Variants in MLLT6 observed in about 807,000 individuals in gnomAD.
The protein encoded by MLLT6 is protein AF-17.
In MLLT6, 22 loss-of-function variants were observed where a neutral mutation model predicts 103.0. The observed-to-expected ratio is 0.21, with a 90% CI of 0.15 to 0.31. The LOEUF (loss-of-function observed/expected upper bound fraction) is 0.31, where lower values mean the gene tolerates loss of function less well. Among genes scored for constraint, MLLT6 ranks in the 10% least tolerant of loss-of-function variants. The probability of loss-of-function intolerance (pLI) is 1.00; values close to 1 mark genes in which losing one functional copy is unlikely to be tolerated. For missense variants in MLLT6, 1,199 were observed against 1,441.7 expected (o/e 0.83, Z 2.73); for synonymous variants, 606 against 623.5 (o/e 0.97, Z 0.42).
In MLLT6 at chr17:38,719,656, C is replaced by T. The variant is rs778610145; in HGVS notation, c.2009+73C>T. ...CCCGAGGGAGGAGGGACGGAGAGACCGGCGTGGGCTGGAACCCCTGGGGGA... is the reference window on the plus strand; with the variant it reads ...CCCGAGGGAGGAGGGACGGAGAGACTGGCGTGGGCTGGAACCCCTGGGGGA... On this transcript the variant is annotated intron_variant, in intron 13 of 19. Transcript: ENST00000621332. 26 of 1,564,654 alleles carry T rather than the reference C, an allele frequency of 1.7e-5. No homozygotes were observed. The Admixed American group carries it at 4.3e-4, about 26-fold the overall frequency.
intron 3 of MLLT6, 81 bp downstream of exon 3, chr17:38,707,621 G>A: frequency 6.8e-7 from 1 of 1,475,552 alleles, no homozygotes; most frequent in Non-Finnish European, 9.5e-7. Flanking sequence ...AGTTGGGGTG[G>A]AGGCCGGGTT....
rs1314344441 is a variant in MLLT6 at position 38,727,944 on chromosome 17, A to G, written c.*2346A>G. The G allele has an allele frequency of 4.3e-6, 1 of 233,190 alleles. No individual in the cohort carries two copies. The highest frequency in any genetic ancestry group is 2.2e-5 in the African/African-American group (1 of 45,360). 14.4% of individuals were successfully genotyped at this position (233,190 alleles called of 1,614,324 possible). A position where few individuals can be genotyped will look rare whatever the true frequency, so the allele number is the denominator to read the frequency against. On this transcript the variant is annotated 3_prime_UTR_variant, in exon 20 of 20. Coordinates refer to ENST00000621332, the MANE Select transcript of MLLT6 (RefSeq NM_005937.4). ...GAAGTAAGTCTACCCCGAGGTTGCC[A>G]TGTTGAAGAGTGAGAGGTCCAAGTG...
rs772675737 is a variant in MLLT6, at chr17:38,720,415, C to T, written c.2199C>T (p.Asn733=). The T allele has an allele frequency of 2.3e-5, 37 of 1,603,760 alleles. No individual in the cohort carries two copies. In the Admixed American group the frequency reaches 2.9e-4, roughly 12 times the overall value. ...CGCTGCACGCGCTGCAGAAGGAGAA[C>T]CAGCGGCTGCAAGAGCAGATCCTGA... ...LKALHALQKE[N]QRLQEQILSL... The change falls in exon 15 of 20, where the codon AAC becomes AAT. Residue 733 remains asparagine (N), a synonymous_variant. Transcript: ENST00000621332.
chr17:38,715,719 T>A lies in MLLT6; in HGVS notation c.927T>A (p.Ser309Arg). Residue 309 changes from serine (S) to arginine (R), a missense_variant, in exon 9 of 20, where the codon AGT (serine) becomes AGA (arginine). Ser to Arg is a moderately radical substitution (Grantham distance 110). This residue lies in a region of MLLT6 where 1,034 missense variants were observed against 1,091.5 expected (regional missense o/e 0.95). Coordinates refer to ENST00000621332, the MANE Select transcript of MLLT6 (RefSeq NM_005937.4). ...AAAAGTCTTCCAGCCATAGCCTGAG[T>A]CATAAAGGGAAGAAACTGAGCAGTG... is the stretch of plus-strand genomic sequence containing the variant. The part of the protein sequence containing the change: ...KGKKSSSHSL[S>R]HKGKKLSSGK... 1 of 1,614,066 alleles carries A rather than the reference T, an allele frequency of 6.2e-7. No homozygotes were observed. The highest frequency in any genetic ancestry group is 8.5e-7 in the Non-Finnish European group (1 of 1,180,010).
rs779837924 is a variant in MLLT6, at chr17:38,709,602, C to T, written c.552+27C>T. On this transcript the variant is annotated intron_variant, in intron 6 of 19. Transcript: ENST00000621332. This position sits in a 1 kb window ranked among gnomAD's most constrained non-coding sequence, Gnocchi z 4.3. ...TGAGTCCTGGCGACCAGCGCATGAGCGGGTCAGTCAGCTGTGGTAAGATGG... is the reference window on the plus strand; with the variant it reads ...TGAGTCCTGGCGACCAGCGCATGAGTGGGTCAGTCAGCTGTGGTAAGATGG... The T allele has an allele frequency of 4.5e-6, 7 of 1,567,018 alleles. No homozygotes were observed. Among genetic ancestry groups the T allele is most frequent in the Non-Finnish European group, 6.2e-6 (7 of 1,137,944 alleles).
intron 1 of MLLT6, chr17:38,706,547 C>T (rs1904932872): frequency 6.0e-6 from 1 of 167,344 alleles, no homozygotes; most frequent in Non-Finnish European, 1.3e-5. Flanking sequence ...CCGCCTCGTC[C>T]CTCACTGGCC....
Position 38,722,705 on chromosome 17 carries a change from T to C in MLLT6, c.2820T>C (p.Leu940=). 7.3e-7 allele frequency: 1 copy of C among 1,365,470 alleles called. No homozygotes were observed. Among genetic ancestry groups the C allele is most frequent in the Non-Finnish European group, 9.7e-7 (1 of 1,027,888 alleles). 84.6% of individuals were successfully genotyped at this position (1,365,470 alleles called of 1,614,324 possible). ...NSLTEQQRHL[L]QQQEQQLQQL... ...TTACAGAGCAGCAGAGACATCTCCT[T>C]CAGCAGCAAGAGCAGCAGCTCCAGC... The change falls in exon 18 of 20, where the codon CTT becomes CTC. Residue 940 remains leucine, a synonymous_variant. Coordinates refer to ENST00000621332, the MANE Select transcript of MLLT6 (RefSeq NM_005937.4).
At chr17:38,722,259 C>G in intron 17 of MLLT6, 32 bp downstream of exon 17, 1 of 1,345,782 alleles carries the variant, frequency 7.4e-7, no homozygotes, top group Non-Finnish European at 9.6e-7. Flanking sequence ...GGAAGGGGAA[C>G]AGGGTGGGGG....
In MLLT6 at chr17:38,717,650, A is replaced by G. The variant is rs377019480; in HGVS notation, c.1833+37A>G. ...CTCCTGGGCTCCTCCTTCCCTGGGCAGGTTGGGGACAGACTGACAGAGGAC... is the reference window on the plus strand; with the variant it reads ...CTCCTGGGCTCCTCCTTCCCTGGGCGGGTTGGGGACAGACTGACAGAGGAC... On this transcript the variant is annotated intron_variant, in intron 11 of 19. Transcript: ENST00000621332. 12 of 1,603,156 alleles carry G rather than the reference A, an allele frequency of 7.5e-6. No individual in the cohort carries two copies. In the African/African-American group the frequency reaches 1.3e-4, roughly 18 times the overall value.
At position 38,705,713 on chromosome 17, in the gene MLLT6, G is replaced by C. The variant is rs759110746; in HGVS notation, c.81G>C (p.Gly27=). ...AGAACCCGCTGGTCTACTGCGATGG[G>C]CACGCGTGCAGCGTGGCCGTCCACC... ...WAENPLVYCD[G]HACSVAVHQA... The change falls in exon 1 of 20, where the codon GGG becomes GGC. Residue 27 remains glycine (G), a synonymous_variant. Coordinates refer to ENST00000621332, the MANE Select transcript of MLLT6 (RefSeq NM_005937.4). 6.4e-7 allele frequency: 1 copy of C among 1,551,556 alleles called. No individual in the cohort carries two copies. Among genetic ancestry groups the C allele is most frequent in the South Asian group, 1.2e-5 (1 of 85,812 alleles).
intron 8 of MLLT6, among the ~76,000 whole-genome samples, chr17:38,715,152 C>G (rs146605907): frequency 1.2e-4 from 18 of 152,072 alleles, no homozygotes; most frequent in Admixed American, 9.8e-4. Context: ...GCCAGGGGGC[C>G]GAAGTTTGGG....
At chr17:38,707,568 G>C in intron 3 of MLLT6, 28 bp downstream of exon 3, 3 of 1,611,278 alleles carry the variant, frequency 1.9e-6, no homozygotes, top group Non-Finnish European at 2.5e-6. Context: ...GCTGAGGTCA[G>C]CAGGGCCCCC....
At position 38,715,704 on chromosome 17, in the gene MLLT6, C is replaced by T. The variant is rs777177267; in HGVS notation, c.912C>T (p.Ser304=). The change falls in exon 9 of 20, where the codon TCC becomes TCT. Residue 304 remains serine (S), a synonymous_variant. Coordinates refer to ENST00000621332, the MANE Select transcript of MLLT6 (RefSeq NM_005937.4). ...SSRESKGKKS[S]SHSLSHKGKK... is the part of the protein sequence containing the mutation. ...GGGAGTCAAAGGGGAAAAAGTCTTC[C>T]AGCCATAGCCTGAGTCATAAAGGGA... 12 of 1,614,044 alleles carry T rather than the reference C, an allele frequency of 7.4e-6. No individual in the cohort carries two copies. The highest frequency in any genetic ancestry group is 1.7e-5 in the Admixed American group (1 of 59,996).
intron 17 of MLLT6, 45 bp from the exon 18 acceptor site, chr17:38,722,633 A>AGGG: frequency 5.3e-6 from 2 of 377,882 alleles, no homozygotes; most frequent in Non-Finnish European, 1.0e-5. Context: ...GCCCTCCCCC[A>AGGG]TGGTCTGTGT....
Position 38,728,137 on chromosome 17 carries a change from G to C in MLLT6, c.*2539G>C, listed in dbSNP as rs1181514109. On this transcript the variant is annotated 3_prime_UTR_variant, in exon 20 of 20. Coordinates refer to ENST00000621332, the MANE Select transcript of MLLT6 (RefSeq NM_005937.4). ...GGCGGTTAGGTTAGATTTGAAGACG[G>C]GGCCCAGGCTGGGTATGAACGGGTG... is the stretch of plus-strand genomic sequence containing the variant. The C allele has an allele frequency of 4.3e-6, 1 of 233,210 alleles. No homozygotes were observed. The highest frequency in any genetic ancestry group is 8.5e-6 in the Non-Finnish European group (1 of 118,092). 14.4% of individuals were successfully genotyped at this position (233,210 alleles called of 1,614,324 possible). A position where few individuals can be genotyped will look rare whatever the true frequency, so the allele number is the denominator to read the frequency against.
intron 11 of MLLT6, 99 bp from the exon 12 acceptor site, chr17:38,717,746 C>T (rs1905430023): frequency 7.3e-7 from 1 of 1,365,730 alleles, no homozygotes. Flanking sequence ...CTCTGGACCC[C>T]TCTGCTCCCC....
chr17:38,725,541 C>T lies in MLLT6; in HGVS notation c.3241-16C>T, dbSNP rs199652890. ...GACACTTTCCACACCCCCGGCCTCC[C>T]TCCCTCTCTTTCCAGACCGCTGACA... On this transcript the variant is annotated splice_polypyrimidine_tract_variant and intron_variant, in intron 19 of 19. Transcript: ENST00000621332. 31 of 1,607,292 alleles carry T rather than the reference C, an allele frequency of 1.9e-5. No homozygotes were observed. Among genetic ancestry groups the T allele is most frequent in the Non-Finnish European group, 2.1e-5 (25 of 1,177,110 alleles).
rs1035788595 is a variant in MLLT6, at chr17:38,729,515, G to A, written c.*3917G>A. On this transcript the variant is annotated 3_prime_UTR_variant, in exon 20 of 20. Transcript: ENST00000621332. ...GAGACCTCACCCCTGCTCCCGTCCC[G>A]CCCCCTTTCTATCCCAACCTGTTTC... 6 of 233,158 alleles carry A rather than the reference G, an allele frequency of 2.6e-5. No homozygotes were observed. 14.4% of individuals were successfully genotyped at this position (233,158 alleles called of 1,614,324 possible).
At chr17:38,722,821 C>A in intron 18 of MLLT6, 53 bp downstream of exon 18, 1 of 1,350,116 alleles carries the variant, frequency 7.4e-7, no homozygotes, top group Non-Finnish European at 1.1e-6. Context: ...CCTGGAAGGG[C>A]ACATCTCAGA....
Sources: allele counts gnomAD v4.1 joint callset (sites outside exome capture counted in the v4.1 genomes callset), GRCh38; gene constraint gnomAD v4.1.1; regional missense constraint gnomAD v4.1.1; non-coding constraint Gnocchi (gnomAD v3.1); transcripts MANE v1.5; gene names NCBI Gene and HGNC (gene_info 2026-07-23, HGNC 2026-07-21).